The following NCAM2 variants were observed in gnomAD, a reference collection of about 807,000 sequenced individuals.
NCAM2 encodes the protein neural cell adhesion molecule 2.
NCAM2 carries 30 observed loss-of-function variants against 98.1 expected under a neutral mutation model. That is an observed-to-expected ratio of 0.31 (90% CI 0.23 to 0.41). The LOEUF is 0.41. Among genes scored for constraint, NCAM2 ranks in the 10% least tolerant of loss-of-function variants. NCAM2 has a pLI of 1.00. For synonymous variants in NCAM2, 368 were observed against 342.4 expected, an observed-to-expected ratio of 1.07 and a Z score of -0.83; for missense variants, 867 against 1,005.8, an observed-to-expected ratio of 0.86 and a Z score of 1.87.
chr21:21,056,487 T>A (rs1254049522), intron 1 of NCAM2, among the ~76,000 whole-genome samples: 1 of 100,074 alleles, frequency 1.0e-5, no homozygotes, highest in African/African-American at 3.7e-5. Context: ...GACAGAGATA[T>A]GTCTGTGTGT....
intron 5 of NCAM2, among the ~76,000 whole-genome samples, chr21:21,296,330 A>T (rs1406155755): frequency 6.6e-6 from 1 of 151,908 alleles, no homozygotes; most frequent in Non-Finnish European, 1.5e-5. Flanking sequence ...TTAAAGATAA[A>T]TATAATGAAG....
chr21:21,489,022 G>T (rs1036050853), intron 15 of NCAM2, among the ~76,000 whole-genome samples: 3 of 151,222 alleles, frequency 2.0e-5, no homozygotes, highest in Non-Finnish European at 4.4e-5. Flanking sequence ...ACAGACTCTT[G>T]CTCTGTCGCC....
In NCAM2 at chr21:21,447,344, A is replaced by G. The variant is rs182261445; in HGVS notation, c.1654+15063A>G. Among the ~76,000 whole-genome samples the G allele has an allele frequency of 5.9e-3, 894 of 152,132 alleles. 11 individuals are homozygous for G. The highest frequency in any genetic ancestry group is 0.02 in the African/African-American group (828 of 41,534). On this transcript the variant is annotated intron_variant, in intron 12 of 17. Transcript: ENST00000400546. ...AATGGTGCTGGGAAAACTGGCTAGCAATATGCAAAAAACTGAAACTGGACC... is the reference window on the plus strand; with the variant it reads ...AATGGTGCTGGGAAAACTGGCTAGCGATATGCAAAAAACTGAAACTGGACC...
At chr21:21,033,425 A>G (rs1601154490) in intron 1 of NCAM2, among the ~76,000 whole-genome samples, 2 of 152,236 alleles carry the variant, frequency 1.3e-5, no homozygotes, top group Non-Finnish European at 2.9e-5. Context: ...TAGCTTGCAT[A>G]TATAGTCACA....
chr21:21,355,727 T>C (rs2075460121), intron 8 of NCAM2, among the ~76,000 whole-genome samples: 1 of 151,676 alleles, frequency 6.6e-6, no homozygotes, highest in South Asian at 2.1e-4. Context: ...ATGATTCTCC[T>C]GACATAGCCT....
chr21:21,139,753 A>T (rs555648457), intron 1 of NCAM2, among the ~76,000 whole-genome samples: 1 of 149,898 alleles, frequency 6.7e-6, no homozygotes, highest in African/African-American at 2.4e-5. Context: ...GTACATACAC[A>T]TACTTATGTG....
At chr21:21,421,115 T>C (rs1217165996) in intron 11 of NCAM2, among the ~76,000 whole-genome samples, 2 of 151,906 alleles carry the variant, frequency 1.3e-5, no homozygotes, top group Non-Finnish European at 2.9e-5. Flanking sequence ...AGGTACAACT[T>C]AATAAATGAC....
intron 1 of NCAM2, among the ~76,000 whole-genome samples, chr21:21,225,926 G>C (rs539798373): frequency 6.6e-6 from 1 of 152,016 alleles, no homozygotes; most frequent in Admixed American, 6.6e-5. Flanking sequence ...GATCAACCTC[G>C]GTGGCTATCG....
At chr21:21,288,640 A>AT (rs1341593274) in intron 4 of NCAM2, among the ~76,000 whole-genome samples, 1 of 151,620 alleles carries the variant, frequency 6.6e-6, no homozygotes, top group Non-Finnish European at 1.5e-5. Context: ...TTATTGAACA[A>AT]TTTGTACATT....
chr21:21,206,958 A>G (rs1227609443), intron 1 of NCAM2, among the ~76,000 whole-genome samples: 2 of 152,140 alleles, frequency 1.3e-5, no homozygotes, highest in Non-Finnish European at 2.9e-5. Context: ...GAGATGGCCA[A>G]TATCCTTTTC....
chr21:21,279,686 G>A (rs2072860764), intron 1 of NCAM2, among the ~76,000 whole-genome samples: 1 of 152,028 alleles, frequency 6.6e-6, no homozygotes, highest in Admixed American at 6.6e-5. Flanking sequence ...GGGAAAACTT[G>A]GATCCTATCT....
intron 1 of NCAM2, among the ~76,000 whole-genome samples, chr21:21,264,271 A>C (rs1296649193): frequency 1.3e-5 from 2 of 152,146 alleles, no homozygotes; most frequent in Non-Finnish European, 2.9e-5. Flanking sequence ...TCATCAGAGA[A>C]ATGCAAATTA....
At chr21:21,069,333 T>G (rs1483585989) in intron 1 of NCAM2, among the ~76,000 whole-genome samples, 1 of 152,230 alleles carries the variant, frequency 6.6e-6, no homozygotes, top group Non-Finnish European at 1.5e-5. Flanking sequence ...AATATTTTTA[T>G]TTAACCTTTA....
chr21:21,515,509 T>C (rs1163206940), intron 16 of NCAM2, among the ~76,000 whole-genome samples: 1 of 150,948 alleles, frequency 6.6e-6, no homozygotes, highest in East Asian at 1.9e-4. Context: ...AACATAATTA[T>C]TTTTATTTTT....
At chr21:21,443,303 A>G (rs1385361229) in intron 12 of NCAM2, among the ~76,000 whole-genome samples, 1 of 152,152 alleles carries the variant, frequency 6.6e-6, no homozygotes, top group African/African-American at 2.4e-5. Context: ...GAGGGATAAC[A>G]TTAGGAGAAA....
intron 14 of NCAM2, among the ~76,000 whole-genome samples, chr21:21,473,296 A>G (rs1261888585): frequency 8.9e-6 from 1 of 112,168 alleles, no homozygotes; most frequent in Non-Finnish European, 2.1e-5. Context: ...TATATGGTCT[A>G]TCTGTATATA....
rs1012544609 is a variant in NCAM2 at position 21,539,911 on chromosome 21, TTTG to T, written c.*1960_*1962del. 2 of 152,200 alleles carry T rather than the reference TTTG, an allele frequency of 1.3e-5. No individual in the cohort carries two copies. The highest frequency in any genetic ancestry group is 1.9e-4 in the East Asian group (1 of 5,192). The allele number at this position is 152,200 out of a possible 1,614,324, so 9.4% of individuals were successfully genotyped here. On this transcript the variant is annotated 3_prime_UTR_variant, in exon 18 of 18. Coordinates refer to ENST00000400546, the MANE Select transcript of NCAM2 (RefSeq NM_004540.5). ...TTTGCTTTATTTTGCTGTGTTTTATTTTGTTGTTTGTTTTGTTTTGTACCAGTG... is the reference window on the plus strand; with the variant it reads ...TTTGCTTTATTTTGCTGTGTTTTATTTTGTTTGTTTTGTTTTGTACCAGTG...
At chr21:21,165,652 C>T (rs2067927479) in intron 1 of NCAM2, among the ~76,000 whole-genome samples, 1 of 152,098 alleles carries the variant, frequency 6.6e-6, no homozygotes, top group Admixed American at 6.5e-5. Flanking sequence ...CCCATCTGGC[C>T]CTTGGCATAC....
At chr21:21,186,021 C>T (rs1252665766) in intron 1 of NCAM2, among the ~76,000 whole-genome samples, 3 of 152,124 alleles carry the variant, frequency 2.0e-5, no homozygotes, top group Non-Finnish European at 4.4e-5. Flanking sequence ...ATGCGGTTCT[C>T]TTTCTTGACA....
Sources: allele counts gnomAD v4.1 joint callset (sites outside exome capture counted in the v4.1 genomes callset), GRCh38; gene constraint gnomAD v4.1.1; transcripts MANE v1.5; gene names NCBI Gene and HGNC (gene_info 2026-07-23, HGNC 2026-07-21).